Variants in PARD3B observed in about 807,000 individuals in gnomAD.
PARD3B encodes the protein par-3 family cell polarity regulator beta.
In PARD3B, 103 loss-of-function variants were observed where a neutral mutation model predicts 130.2. That is an observed-to-expected ratio of 0.79 (90% confidence interval 0.67 to 0.93). The LOEUF (loss-of-function observed/expected upper bound fraction) is 0.93, where lower values mean the gene tolerates loss of function less well. Among genes scored for constraint, PARD3B ranks in the 40% least tolerant of loss-of-function variants. The pLI, the probability that PARD3B is intolerant of heterozygous loss-of-function variation, is 0.00. For synonymous variants in PARD3B, 583 were observed against 553.2 expected (o/e 1.05, Z -0.76); for missense variants, 1,609 against 1,499.2 (o/e 1.07, Z -1.21).
rs548921163 is a variant in PARD3B, at chr2:204,765,381, C to G, written c.222+79099C>G. ...GAGAACCACTCTTCTGCTGAATCTTCTTGCTGCAAGAAGATCAGTGGAAGA... is the reference window on the plus strand; with the variant it reads ...GAGAACCACTCTTCTGCTGAATCTTGTTGCTGCAAGAAGATCAGTGGAAGA... On this transcript the variant is annotated intron_variant, in intron 2 of 22. Coordinates refer to ENST00000406610, the MANE Select transcript of PARD3B (RefSeq NM_001302769.2). Among the ~76,000 whole-genome samples the G allele has an allele frequency of 6.6e-5, 10 of 152,164 alleles. 1 individual carries two copies. Among genetic ancestry groups the G allele is most frequent in the Non-Finnish European group, 1.2e-4 (8 of 68,026 alleles).
chr2:205,031,821 G>A (rs965625645), intron 3 of PARD3B, among the ~76,000 whole-genome samples: 9 of 152,100 alleles, frequency 5.9e-5, no homozygotes, highest in Admixed American at 4.6e-4. Flanking sequence ...CATAGGTCTT[G>A]TGGGGGAAAA....
intron 2 of PARD3B, among the ~76,000 whole-genome samples, chr2:204,835,895 T>C (rs753204990): frequency 1.3e-5 from 2 of 152,248 alleles, no homozygotes; most frequent in Non-Finnish European, 2.9e-5. Context: ...GGCTAAGCTA[T>C]GGCGTGTTCT....
intron 12 of PARD3B, among the ~76,000 whole-genome samples, chr2:205,173,700 A>G (rs1009621658): frequency 1.3e-5 from 2 of 152,156 alleles, no homozygotes; most frequent in African/African-American, 2.4e-5. Context: ...GACTAAATAT[A>G]ATGAACTTAT....
rs1387737555 is a variant in PARD3B at position 204,764,712 on chromosome 2, A to ATGTGTGTGTGTGTGTGTGTG, written c.222+78432_222+78433insTGTGTGTGTGTGTGTGTGTG. On this transcript the variant is annotated intron_variant, in intron 2 of 22. Coordinates refer to ENST00000406610, the MANE Select transcript of PARD3B (RefSeq NM_001302769.2). ...GACCAGCAGGCTGAATCTGGCATGC[A>ATGTGTGTGTGTGTGTGTGTG]TGCGTGTGTGTGTGTGTGTGTGTGT... 3.8e-3 allele frequency among the ~76,000 whole-genome samples: 165 copies of ATGTGTGTGTGTGTGTGTGTG among 43,074 alleles called. 1 individual carries two copies. The highest frequency in any genetic ancestry group is 7.7e-3 in the African/African-American group (131 of 17,074). The allele number at this position is 43,074 out of a possible 152,430, so 28.3% of individuals were successfully genotyped here.
intron 1 of PARD3B, among the ~76,000 whole-genome samples, chr2:204,572,218 G>A (rs2032042416): frequency 6.6e-6 from 1 of 152,122 alleles, no homozygotes; most frequent in Admixed American, 6.6e-5. Context: ...TTTCTGAGAT[G>A]AAAGCTTTCT....
At position 205,113,505 on chromosome 2, in the gene PARD3B, C is replaced by T. The variant is rs769820507; in HGVS notation, c.608C>T (p.Thr203Ile). ...TKDTLSDMTRTVEISGEGGPL... is the reference protein window; with the variant it reads ...TKDTLSDMTRIVEISGEGGPL... Reference sequence around the variant, plus strand: ...TTCTGCCCCAGTGATATGACAAGAACAGTGGAGATTTCTGGGGAAGGAGGC... The same window carrying T: ...TTCTGCCCCAGTGATATGACAAGAATAGTGGAGATTTCTGGGGAAGGAGGC... The change falls in exon 6 of 23, where the codon ACA (threonine) becomes ATA (isoleucine). Residue 203 changes from threonine (T) to isoleucine (I), a missense_variant. Transcript: ENST00000406610. 4.3e-6 allele frequency: 7 copies of T among 1,612,626 alleles called. No individual in the cohort carries two copies. The East Asian group carries it at 1.3e-4, about 31-fold the overall frequency.
At chr2:205,569,689 C>G (rs1017653339) in intron 22 of PARD3B, among the ~76,000 whole-genome samples, 3 of 152,198 alleles carry the variant, frequency 2.0e-5, no homozygotes, top group Non-Finnish European at 4.4e-5. Context: ...CTTGCTCTCA[C>G]TGATATTATG....
At chr2:205,456,254 A>G (rs969548048) in intron 20 of PARD3B, among the ~76,000 whole-genome samples, 27 of 152,110 alleles carry the variant, frequency 1.8e-4, no homozygotes, top group Admixed American at 1.8e-3. Flanking sequence ...TTGCTTAATC[A>G]TTCATCTGTT....
In PARD3B at chr2:205,255,885, A is replaced by C. The variant is rs1162349718; in HGVS notation, c.2185+10063A>C. Among the ~76,000 whole-genome samples the C allele has an allele frequency of 2.0e-5, 3 of 151,988 alleles. No individual in the cohort carries two copies. In the East Asian group the frequency reaches 5.8e-4, roughly 29 times the overall value. On this transcript the variant is annotated intron_variant, in intron 16 of 22. Coordinates refer to ENST00000406610, the MANE Select transcript of PARD3B (RefSeq NM_001302769.2). ...AGGCTTCCGTAAGTAGGTAGGATTGATTACATTATTGGCCATTGGTTAGCA... is the reference window on the plus strand; with the variant it reads ...AGGCTTCCGTAAGTAGGTAGGATTGCTTACATTATTGGCCATTGGTTAGCA...
intron 20 of PARD3B, among the ~76,000 whole-genome samples, chr2:205,451,562 T>C (rs1301740290): frequency 1.3e-5 from 2 of 152,144 alleles, no homozygotes; most frequent in Non-Finnish European, 2.9e-5. Flanking sequence ...AAATATATTC[T>C]TATTAACTCC....
In PARD3B at chr2:205,460,829, A is replaced by G. The variant is rs184060305; in HGVS notation, c.3044+20157A>G. Among the ~76,000 whole-genome samples the G allele has an allele frequency of 9.9e-5, 15 of 152,218 alleles. No individual in the cohort carries two copies. The highest frequency in any genetic ancestry group is 2.9e-4 in the African/African-American group (12 of 41,536). ...TTTTTTTCCTCACTTTTCTACCACT[A>G]TTGGTTGAAGTGCCCTTTATTTGAC... On this transcript the variant is annotated intron_variant, in intron 20 of 22. Transcript: ENST00000406610. This position sits in a 1 kb window ranked among gnomAD's most constrained non-coding sequence, Gnocchi z 4.9.
rs1428853512 is a variant in PARD3B, at chr2:205,091,773, A to C, written c.505-12653A>C. On this transcript the variant is annotated intron_variant, in intron 4 of 22. Transcript: ENST00000406610. The surrounding 1 kb of genome is among the most constrained non-coding windows in gnomAD (Gnocchi z 4.2). ...TGCAAAGGGGAACAGTAGACGGGCC[A>C]TTCATTAGTATCTTCTCTCCAGCTT... 6.6e-6 allele frequency among the ~76,000 whole-genome samples: 1 copy of C among 152,066 alleles called. No homozygotes were observed.
chr2:205,501,252 C>G (rs2050150207), intron 21 of PARD3B, among the ~76,000 whole-genome samples: 1 of 152,166 alleles, frequency 6.6e-6, no homozygotes, highest in Admixed American at 6.5e-5. Flanking sequence ...GTGCACAGTG[C>G]AGATGGGCGA....
intron 10 of PARD3B, among the ~76,000 whole-genome samples, chr2:205,150,962 A>G (rs914364501): frequency 6.6e-6 from 1 of 152,170 alleles, no homozygotes; most frequent in Non-Finnish European, 1.5e-5. Flanking sequence ...TGTAGTTTAT[A>G]CTTGAAAATC....
In PARD3B at chr2:204,664,951, A is replaced by G. The variant is rs1423353595; in HGVS notation, c.121-21230A>G. ...TTAATAGGAACTTTGGCATATGTAAATATTTTCTAGGTTCAGTTTTAGCAA... is the reference window on the plus strand; with the variant it reads ...TTAATAGGAACTTTGGCATATGTAAGTATTTTCTAGGTTCAGTTTTAGCAA... On this transcript the variant is annotated intron_variant, in intron 1 of 22. Coordinates refer to ENST00000406610, the MANE Select transcript of PARD3B (RefSeq NM_001302769.2). This position sits in a 1 kb window ranked among gnomAD's most constrained non-coding sequence, Gnocchi z 5.2. Among the ~76,000 whole-genome samples, 3 of 152,152 alleles carry G rather than the reference A, an allele frequency of 2.0e-5. No homozygotes were observed. Among genetic ancestry groups the G allele is most frequent in the Non-Finnish European group, 4.4e-5 (3 of 68,024 alleles).
intron 15 of PARD3B, among the ~76,000 whole-genome samples, chr2:205,211,089 T>A (rs2037607788): frequency 6.6e-6 from 1 of 152,084 alleles, no homozygotes; most frequent in Non-Finnish European, 1.5e-5. Context: ...TTATTTATGA[T>A]AAAACTGCTT....
intron 1 of PARD3B, among the ~76,000 whole-genome samples, chr2:204,578,461 A>AT (rs1401598183): frequency 4.6e-5 from 7 of 152,080 alleles, no homozygotes; most frequent in African/African-American, 1.7e-4. Flanking sequence ...GTATATATAT[A>AT]TTTTTTGTGT....
intron 2 of PARD3B, among the ~76,000 whole-genome samples, chr2:204,857,303 TC>T (rs1468889158): frequency 6.6e-6 from 1 of 152,152 alleles, no homozygotes; most frequent in Non-Finnish European, 1.5e-5. Context: ...TAAAAGTAAC[TC>T]TTTATCTTAA....
intron 2 of PARD3B, among the ~76,000 whole-genome samples, chr2:204,854,580 G>A (rs1386816348): frequency 6.6e-6 from 1 of 152,096 alleles, no homozygotes; most frequent in Non-Finnish European, 1.5e-5. Context: ...TTCACCCAAG[G>A]GTGAATTGAT....
Sources: allele counts gnomAD v4.1 joint callset (sites outside exome capture counted in the v4.1 genomes callset), GRCh38; gene constraint gnomAD v4.1.1; non-coding constraint Gnocchi (gnomAD v3.1); transcripts MANE v1.5; gene names NCBI Gene and HGNC (gene_info 2026-07-23, HGNC 2026-07-21).